The following TRAPPC9 variants were observed in gnomAD, a reference collection of about 807,000 sequenced individuals.
TRAPPC9 encodes the protein IKK2 binding protein.
A neutral mutation model predicts 124.0 loss-of-function variants in TRAPPC9; 83 were observed. The observed-to-expected ratio is 0.67, with a 90% confidence interval of 0.56 to 0.80. The LOEUF (loss-of-function observed/expected upper bound fraction) is 0.80, where lower values mean the gene tolerates loss of function less well. TRAPPC9 is among the 30% of genes least tolerant of loss of function. The probability of loss-of-function intolerance (pLI) is 0.00; values close to 1 mark genes in which losing one functional copy is unlikely to be tolerated. For synonymous variants in TRAPPC9, 638 were observed against 617.5 expected (o/e 1.03, Z -0.49); for missense variants, 1,302 against 1,508.3 (o/e 0.86, Z 2.27).
chr8:139,886,115 A>G, intron 20 of TRAPPC9, 146 bp from the exon 21 acceptor site: 4 of 758,126 alleles, frequency 5.3e-6, no homozygotes, highest in South Asian at 3.0e-5. Context: ...ACCAACCACT[A>G]TGACATCACC....
At chr8:139,894,524 A>ACTGG (rs1230646001) in intron 20 of TRAPPC9, among the ~76,000 whole-genome samples, 4 of 152,162 alleles carry the variant, frequency 2.6e-5, no homozygotes, top group African/African-American at 9.6e-5. Context: ...GTGTGAGGGG[A>ACTGG]CTGGACCCCG....
At chr8:140,011,527 C>T (rs1445426424) in intron 18 of TRAPPC9, among the ~76,000 whole-genome samples, 5 of 109,790 alleles carry the variant, frequency 4.6e-5, no homozygotes, top group South Asian at 3.1e-4. Flanking sequence ...TTTTTTGAGA[C>T]GGAGTCTCAC....
At chr8:139,801,523 G>T (rs1157734052) in intron 21 of TRAPPC9, among the ~76,000 whole-genome samples, 2 of 152,176 alleles carry the variant, frequency 1.3e-5, no homozygotes, top group Non-Finnish European at 2.9e-5. Flanking sequence ...CCCTTCCCTT[G>T]GCTGTGTCCA....
intron 11 of TRAPPC9, among the ~76,000 whole-genome samples, chr8:140,299,303 AG>A (rs1472868007): frequency 5.4e-5 from 8 of 148,264 alleles, no homozygotes; most frequent in East Asian, 3.9e-4. Flanking sequence ...GGGTGTGGGC[AG>A]GGGGGGGTCA....
chr8:140,159,806 C>G (rs975988361), intron 17 of TRAPPC9, among the ~76,000 whole-genome samples: 1 of 152,220 alleles, frequency 6.6e-6, no homozygotes, highest in African/African-American at 2.4e-5. Flanking sequence ...AACAGATGAA[C>G]TGCAATGTTC....
intron 5 of TRAPPC9, among the ~76,000 whole-genome samples, chr8:140,418,763 T>TAGAC (rs1169995505): frequency 2.0e-5 from 3 of 148,910 alleles, no homozygotes; most frequent in Non-Finnish European, 4.5e-5. Context: ...GATAGATAGA[T>TAGAC]AGATAGATAG....
At chr8:139,937,657 T>G (rs1191520851) in intron 19 of TRAPPC9, among the ~76,000 whole-genome samples, 1 of 152,026 alleles carries the variant, frequency 6.6e-6, no homozygotes, top group Non-Finnish European at 1.5e-5. Flanking sequence ...GGAAGAGAAT[T>G]AGAATGAGGC....
chr8:140,341,860 A>T (rs76355591), intron 9 of TRAPPC9, among the ~76,000 whole-genome samples: 1 of 152,354 alleles, frequency 6.6e-6, no homozygotes, highest in East Asian at 1.9e-4. Flanking sequence ...CACAGCAGCT[A>T]AGTCTCTCTC....
rs2066732451 is a variant in TRAPPC9 at position 140,326,211 on chromosome 8, C to T, written c.1496-14837G>A. Among the ~76,000 whole-genome samples the T allele has an allele frequency of 2.7e-5, 4 of 149,768 alleles. No homozygotes were observed. The South Asian group carries it at 8.5e-4, about 32-fold the overall frequency. ...ACCATCCTGGCTAACACAGTGAAAC[C>T]CCGTCTCTACTAAAAAAAAAAAAAA... On this transcript the variant is annotated intron_variant, in intron 9 of 22. Coordinates refer to ENST00000438773, the MANE Select transcript of TRAPPC9 (RefSeq NM_001160372.4).
intron 21 of TRAPPC9, among the ~76,000 whole-genome samples, chr8:139,750,983 A>G (rs1224139285): frequency 1.3e-5 from 2 of 152,144 alleles, no homozygotes; most frequent in African/African-American, 4.8e-5. Flanking sequence ...TCTCTGGCCC[A>G]CCCCAAGGGC....
At chr8:140,289,893 G>C (rs1030389068) in intron 12 of TRAPPC9, among the ~76,000 whole-genome samples, 1 of 152,196 alleles carries the variant, frequency 6.6e-6, no homozygotes, top group Non-Finnish European at 1.5e-5. Context: ...TGAACATCCA[G>C]CTGAGCTTCC....
chr8:139,863,022 G>A (rs1170692872), intron 21 of TRAPPC9, among the ~76,000 whole-genome samples: 2 of 152,228 alleles, frequency 1.3e-5, no homozygotes, highest in East Asian at 3.9e-4. Context: ...ACACAGAGGG[G>A]AGGGCTCTGA....
Position 140,093,028 on chromosome 8 carries a change from GA to G in TRAPPC9, c.2557-68950del, listed in dbSNP as rs796787044. On this transcript the variant is annotated intron_variant, in intron 17 of 22. Transcript: ENST00000438773. ...CATGGCCTAATGCAAGTATCTGAAT[GA>G]AAAAAAAAAAAAGCTTTCCAGAATG... 4.8e-3 allele frequency among the ~76,000 whole-genome samples: 669 copies of G among 140,106 alleles called. 1 individual carries two copies. Among genetic ancestry groups the G allele is most frequent in the Middle Eastern group, 0.029 (8 of 276 alleles). The allele number at this position is 140,106 out of a possible 152,430, so 91.9% of individuals were successfully genotyped here.
intron 17 of TRAPPC9, among the ~76,000 whole-genome samples, chr8:140,107,686 C>T (rs1174258880): frequency 2.6e-5 from 4 of 152,044 alleles, no homozygotes; most frequent in Admixed American, 6.5e-5. Context: ...GGCTTACAGG[C>T]GAAGGCATGG....
At chr8:140,397,570 T>TC in intron 7 of TRAPPC9, 50 bp downstream of exon 7, 1 of 1,610,470 alleles carries the variant, frequency 6.2e-7, no homozygotes, top group Admixed American at 1.7e-5. Flanking sequence ...GTGAATCAAT[T>TC]CCGTAAGAAC....
chr8:139,858,976 G>A (rs1273157168), intron 21 of TRAPPC9, among the ~76,000 whole-genome samples: 2 of 149,618 alleles, frequency 1.3e-5, no homozygotes, highest in East Asian at 3.9e-4. Context: ...ATTGGGCCCC[G>A]AGTTTCAGAT....
Position 140,195,057 on chromosome 8 carries a change from C to T in TRAPPC9, c.2556+26402G>A, listed in dbSNP as rs555778535. Among the ~76,000 whole-genome samples the T allele has an allele frequency of 1.4e-4, 21 of 152,124 alleles. No homozygotes were observed. In the East Asian group the frequency reaches 1.7e-3, roughly 13 times the overall value. On this transcript the variant is annotated intron_variant, in intron 17 of 22. Coordinates refer to ENST00000438773, the MANE Select transcript of TRAPPC9 (RefSeq NM_001160372.4). ...ACTCAATGATCCACTGTACAGATCA[C>T]GCCTGTGACACTAAAACACACTCAA...
chr8:140,341,062 G>A (rs1016784249), intron 9 of TRAPPC9, among the ~76,000 whole-genome samples: 1 of 151,934 alleles, frequency 6.6e-6, no homozygotes, highest in Admixed American at 6.6e-5. Context: ...CAACAGCAGA[G>A]GAAAAAAAGG....
intron 18 of TRAPPC9, among the ~76,000 whole-genome samples, chr8:140,023,157 G>A (rs902994285): frequency 1.3e-5 from 2 of 152,068 alleles, no homozygotes; most frequent in African/African-American, 4.8e-5. Flanking sequence ...GGACGAGCTC[G>A]GAGGTGAAGA....
Sources: gnomAD v4.1 joint callset for allele counts (sites outside exome capture counted in the v4.1 genomes callset) on GRCh38, gnomAD v4.1.1 for gene constraint, MANE v1.5 for transcripts, NCBI Gene and HGNC (gene_info 2026-07-23, HGNC 2026-07-21) for gene names.